The following PDE8B variants were observed in gnomAD, a reference collection of about 807,000 sequenced individuals.
The protein encoded by PDE8B is phosphodiesterase 8B.
A neutral mutation model predicts 101.3 loss-of-function variants in PDE8B; 26 were observed. The ratio of observed to expected loss-of-function variants is 0.26; its 90% CI spans 0.19 to 0.36. PDE8B has a LOEUF of 0.36. PDE8B is among the 10% of genes least tolerant of loss of function. The pLI, the probability that PDE8B is intolerant of heterozygous loss-of-function variation, is 1.00. For missense variants in PDE8B, 810 were observed against 1,163.1 expected (o/e 0.70, Z 4.42); for synonymous variants, 424 against 429.3 (o/e 0.99, Z 0.15).
At chr5:77,189,316 A>C in the PDE8B span, among the ~76,000 whole-genome samples, 1 of 152,222 alleles carries the variant, frequency 6.6e-6, no homozygotes, top group African/African-American at 2.4e-5. Flanking sequence ...TGTTGGGATA[A>C]AGTCAAGAAG....
At chr5:77,150,001 A>C in the PDE8B span, among the ~76,000 whole-genome samples, 3 of 152,226 alleles carry the variant, frequency 2.0e-5, no homozygotes, top group Non-Finnish European at 4.4e-5. Context: ...ATTTATGAGC[A>C]TGTGGGGTAA....
rs185003013 is a variant in PDE8B, at chr5:77,405,463, G to C, written c.1288+666G>C. Among the ~76,000 whole-genome samples, 7 of 152,314 alleles carry C rather than the reference G, an allele frequency of 4.6e-5. No homozygotes were observed. The East Asian group carries it at 1.4e-3, about 29-fold the overall frequency. On this transcript the variant is annotated intron_variant, in intron 12 of 21. Transcript: ENST00000264917. ...AGATGATGAATCTTATTTTAATGGA[G>C]ATGGCTAGGAAGCTAACCTGCAACC...
At chr5:77,262,376 T>C (rs1760804675) in intron 1 of PDE8B, among the ~76,000 whole-genome samples, 1 of 152,160 alleles carries the variant, frequency 6.6e-6, no homozygotes, top group Non-Finnish European at 1.5e-5. Flanking sequence ...TCAAGCATAA[T>C]CAGTATTGTT....
At chr5:77,423,632 G>GTT (rs71594634) in intron 20 of PDE8B, among the ~76,000 whole-genome samples, 1,159 of 73,910 alleles carry the variant, frequency 0.016, 191 homozygotes, top group Admixed American at 0.036. Context: ...GTTTTGTTTA[G>GTT]TTTTTTTTTT....
chr5:77,381,780 C>T (rs982552759), intron 10 of PDE8B, among the ~76,000 whole-genome samples: 1 of 151,954 alleles, frequency 6.6e-6, no homozygotes, highest in African/African-American at 2.4e-5. Flanking sequence ...GGGAAGGAGG[C>T]TAGTTCATAA....
intron 1 of PDE8B, among the ~76,000 whole-genome samples, chr5:77,292,719 C>T (rs1439748441): frequency 6.6e-6 from 1 of 152,068 alleles, no homozygotes; most frequent in Non-Finnish European, 1.5e-5. Context: ...GGATGTTCGC[C>T]TGTTTTATTA....
chr5:77,317,545 A>G (rs958026377), intron 2 of PDE8B, among the ~76,000 whole-genome samples: 61 of 152,340 alleles, frequency 4.0e-4, no homozygotes, highest in Non-Finnish European at 6.9e-4. Flanking sequence ...GCTGTGGAGC[A>G]CGTCTCTCCT....
At chr5:77,414,552 C>G (rs1471943769) in intron 17 of PDE8B, among the ~76,000 whole-genome samples, 1 of 151,718 alleles carries the variant, frequency 6.6e-6, no homozygotes, top group Non-Finnish European at 1.5e-5. Flanking sequence ...TCCTGAGTAG[C>G]TGGGACTACA....
At chr5:77,259,801 G>C (rs1760090152) in intron 1 of PDE8B, among the ~76,000 whole-genome samples, 1 of 152,188 alleles carries the variant, frequency 6.6e-6, no homozygotes, top group African/African-American at 2.4e-5. Flanking sequence ...TCTATAGTGT[G>C]GGATCTTTAT....
At chr5:77,121,144 T>C in the PDE8B span, among the ~76,000 whole-genome samples, 1 of 152,234 alleles carries the variant, frequency 6.6e-6, no homozygotes, top group South Asian at 2.1e-4. Flanking sequence ...CAGGAGTCAC[T>C]TAGCTGGCTG....
At chr5:77,139,449 C>T in the PDE8B span, 1 of 152,232 alleles carries the variant, frequency 6.6e-6, no homozygotes, top group Admixed American at 6.5e-5. Flanking sequence ...GTTTGTTATA[C>T]AGCAGTAGGT....
chr5:77,163,927 T>C, the PDE8B span, among the ~76,000 whole-genome samples: 1 of 152,388 alleles, frequency 6.6e-6, no homozygotes, highest in East Asian at 1.9e-4. Context: ...CATGGCCTTG[T>C]TGTCTTCTTC....
intron 1 of PDE8B, among the ~76,000 whole-genome samples, chr5:77,273,190 A>G (rs1257333301): frequency 6.6e-6 from 1 of 152,200 alleles, no homozygotes; most frequent in Non-Finnish European, 1.5e-5. Context: ...ACTGCAGTGT[A>G]CGTAGCTCCC....
At chr5:77,413,937 A>G (rs957905552) in intron 17 of PDE8B, among the ~76,000 whole-genome samples, 1 of 152,102 alleles carries the variant, frequency 6.6e-6, no homozygotes, top group African/African-American at 2.4e-5. Context: ...CTGGCAAGAG[A>G]TCCCCATCTC....
the PDE8B span, among the ~76,000 whole-genome samples, chr5:77,202,479 A>G: frequency 4.1e-4 from 63 of 151,966 alleles, 1 homozygote; most frequent in Middle Eastern, 6.8e-3. Flanking sequence ...TAGTAAATAT[A>G]TTTTCTTTTT....
the PDE8B span, among the ~76,000 whole-genome samples, chr5:77,106,854 G>C: frequency 4.6e-5 from 7 of 151,300 alleles, no homozygotes; most frequent in Non-Finnish European, 8.9e-5. Context: ...ATTTTTTGAC[G>C]GCATTGTAAA....
intron 2 of PDE8B, among the ~76,000 whole-genome samples, chr5:77,321,142 ATTTTTT>A (rs10538529): frequency 7.7e-4 from 59 of 76,436 alleles, no homozygotes; most frequent in African/African-American, 2.2e-3. Context: ...CAGTATCTCT[ATTTTTT>A]TTTTTTTTTT....
intron 1 of PDE8B, among the ~76,000 whole-genome samples, chr5:77,275,930 A>G (rs1763771843): frequency 6.6e-6 from 1 of 152,230 alleles, no homozygotes; most frequent in African/African-American, 2.4e-5. Flanking sequence ...AAATATCTAT[A>G]CTGTTGTGCT....
intron 2 of PDE8B, among the ~76,000 whole-genome samples, chr5:77,319,489 C>G (rs755231856): frequency 1.3e-5 from 2 of 152,096 alleles, no homozygotes; most frequent in African/African-American, 4.8e-5. Context: ...AGGGAATGAG[C>G]TAACAAAGAT....
Sources: gnomAD v4.1 joint callset for allele counts (sites outside exome capture counted in the v4.1 genomes callset) on GRCh38, gnomAD v4.1.1 for gene constraint, MANE v1.5 for transcripts, NCBI Gene and HGNC (gene_info 2026-07-23, HGNC 2026-07-21) for gene names.